ADAMTSL1: variants seen among roughly 807,000 people sequenced by gnomAD.
The protein encoded by ADAMTSL1 is ADAMTS like 1, also known as ADAMTS-like protein 1.
In ADAMTSL1, 126 loss-of-function variants were observed where a neutral mutation model predicts 201.8. The observed-to-expected ratio is 0.62, with a 90% confidence interval of 0.54 to 0.72. The LOEUF (loss-of-function observed/expected upper bound fraction) is 0.72, where lower values mean the gene tolerates loss of function less well. ADAMTSL1 is among the 30% of genes least tolerant of loss of function. The probability of loss-of-function intolerance (pLI) is 0.00; values close to 1 mark genes in which losing one functional copy is unlikely to be tolerated. For missense variants in ADAMTSL1, 2,679 were observed against 2,277.8 expected (o/e 1.18, Z -3.59); for synonymous variants, 1,121 against 903.4 (o/e 1.24, Z -4.32).
chr9:18,558,225 G>T (rs1244690854), intron 3 of ADAMTSL1, among the ~76,000 whole-genome samples: 2 of 152,032 alleles, frequency 1.3e-5, no homozygotes, highest in Admixed American at 1.3e-4. Context: ...TGTTCTCATT[G>T]TTCAACTCCA....
chr9:18,795,922 G>C (rs190539099), intron 20 of ADAMTSL1, among the ~76,000 whole-genome samples: 18 of 152,324 alleles, frequency 1.2e-4, no homozygotes, highest in Non-Finnish European at 2.1e-4. Flanking sequence ...CCTGTTGCAA[G>C]AAAGACTACG....
chr9:18,511,514 C>G (rs1453871258), intron 2 of ADAMTSL1, among the ~76,000 whole-genome samples: 2 of 151,840 alleles, frequency 1.3e-5, no homozygotes, highest in African/African-American at 4.8e-5. Context: ...ACAAGAGGTG[C>G]CTAAAACAAG....
intron 4 of ADAMTSL1, among the ~76,000 whole-genome samples, chr9:18,615,340 A>C (rs1399150729): frequency 1.3e-5 from 2 of 152,190 alleles, no homozygotes; most frequent in Non-Finnish European, 2.9e-5. Context: ...GTAGGAGGTG[A>C]CCGCAGGTGT....
intron 2 of ADAMTSL1, among the ~76,000 whole-genome samples, chr9:18,526,871 C>CTTGTTCTAA (rs1819097875): frequency 6.6e-6 from 1 of 152,150 alleles, no homozygotes; most frequent in Non-Finnish European, 1.5e-5. Context: ...TCTATGGTCG[C>CTTGTTCTAA]TCTAAGATCC....
chr9:18,605,432 A>G (rs1824949139), intron 4 of ADAMTSL1, among the ~76,000 whole-genome samples: 1 of 152,246 alleles, frequency 6.6e-6, no homozygotes. Flanking sequence ...TTGCAAAAGA[A>G]GTTATCACTG....
chr9:18,635,706 A>C (rs902059048), intron 5 of ADAMTSL1, among the ~76,000 whole-genome samples: 3 of 152,200 alleles, frequency 2.0e-5, no homozygotes, highest in Non-Finnish European at 4.4e-5. Flanking sequence ...AGTATATCAA[A>C]ATTCCTATTT....
At chr9:18,266,232 A>C (rs1259478137) in intron 2 of ADAMTSL1, among the ~76,000 whole-genome samples, 3 of 152,098 alleles carry the variant, frequency 2.0e-5, no homozygotes, top group African/African-American at 4.8e-5. Context: ...TTGCTGGTGT[A>C]ACTTTTTCAC....
rs1220499352 is a variant in ADAMTSL1, at chr9:18,102,366, C to T, written c.88-61496C>T. 3.9e-5 allele frequency among the ~76,000 whole-genome samples: 6 copies of T among 152,158 alleles called. No homozygotes were observed. The South Asian group carries it at 6.2e-4, about 16-fold the overall frequency. ...TTTATTTCTGAAAATATTATTTATC[C>T]AATGCCTGAGAAACAGACATGGTAT... On this transcript the variant is annotated intron_variant, in intron 1 of 29. Coordinates refer to the ADAMTSL1 transcript ENST00000680146.
intron 2 of ADAMTSL1, among the ~76,000 whole-genome samples, chr9:18,434,106 G>T (rs906233940): frequency 6.6e-5 from 10 of 152,202 alleles, no homozygotes; most frequent in African/African-American, 2.2e-4. Flanking sequence ...GCTTAGAAAA[G>T]AGCAATTATA....
chr9:18,056,993 A>C (rs2077852), intron 1 of ADAMTSL1, among the ~76,000 whole-genome samples: 97,647 of 152,050 alleles, frequency 0.64, 31,765 homozygotes, highest in African/African-American at 0.74. Flanking sequence ...ATGTTTGATT[A>C]TCCTTTTAAT....
At chr9:18,058,266 A>G (rs1822284452) in intron 1 of ADAMTSL1, among the ~76,000 whole-genome samples, 1 of 152,230 alleles carries the variant, frequency 6.6e-6, no homozygotes, top group South Asian at 2.1e-4. Context: ...AAATCTCCTC[A>G]TCCCTAGAGA....
intron 1 of ADAMTSL1, among the ~76,000 whole-genome samples, chr9:18,063,992 C>T (rs909266186): frequency 2.0e-5 from 3 of 152,120 alleles, no homozygotes; most frequent in East Asian, 1.9e-4. Context: ...CCCTTCTCTC[C>T]CCTCATTCAT....
At chr9:18,287,146 G>C (rs1049415923) in intron 2 of ADAMTSL1, among the ~76,000 whole-genome samples, 1 of 152,114 alleles carries the variant, frequency 6.6e-6, no homozygotes, top group Non-Finnish European at 1.5e-5. Flanking sequence ...ATATGGCCTT[G>C]TTACTGGATA....
intron 25 of ADAMTSL1, 21 bp from the exon 26 acceptor site, chr9:18,892,368 G>C (rs1829333650): frequency 6.2e-7 from 1 of 1,603,704 alleles, no homozygotes; most frequent in Non-Finnish European, 8.5e-7. Flanking sequence ...GGGCTCTCCT[G>C]ACACTTCTTC....
chr9:18,257,855 A>T (rs924266079), intron 2 of ADAMTSL1, among the ~76,000 whole-genome samples: 2 of 152,232 alleles, frequency 1.3e-5, no homozygotes, highest in Non-Finnish European at 2.9e-5. Context: ...CAAATATGCT[A>T]GGTAAAATAA....
chr9:18,433,440 G>A (rs1046239548), intron 2 of ADAMTSL1, among the ~76,000 whole-genome samples: 1 of 152,000 alleles, frequency 6.6e-6, no homozygotes, highest in Non-Finnish European at 1.5e-5. Flanking sequence ...ATGTCTTAGG[G>A]TCTTCAATGG....
chr9:18,454,875 C>A (rs981557305), intron 2 of ADAMTSL1, among the ~76,000 whole-genome samples: 2 of 152,236 alleles, frequency 1.3e-5, no homozygotes, highest in East Asian at 3.9e-4. Flanking sequence ...TTCAAAGGTA[C>A]AAGTGAGTTT....
In ADAMTSL1 at chr9:17,938,512, C is replaced by G. The variant is rs576446733; in HGVS notation, c.87+31590C>G. ...CTTAACTCGTTCTTCTTCATTGTGT[C>G]AGGTTTGACTGAAGCCAGTATTCCC... On this transcript the variant is annotated intron_variant, in intron 1 of 29. Coordinates refer to the ADAMTSL1 transcript ENST00000680146. Among the ~76,000 whole-genome samples, 7 of 152,222 alleles carry G rather than the reference C, an allele frequency of 4.6e-5. No individual in the cohort carries two copies. In the South Asian group the frequency reaches 1.5e-3, roughly 32 times the overall value.
At chr9:18,725,629 A>G (rs1817841206) in intron 15 of ADAMTSL1, among the ~76,000 whole-genome samples, 1 of 152,154 alleles carries the variant, frequency 6.6e-6, no homozygotes, top group Non-Finnish European at 1.5e-5. Context: ...TCTGTGTTAT[A>G]ATTATACAAG....
Sources: gnomAD v4.1 joint callset for allele counts (sites outside exome capture counted in the v4.1 genomes callset) on GRCh38, gnomAD v4.1.1 for gene constraint, MANE v1.5 for transcripts, NCBI Gene and HGNC (gene_info 2026-07-23, HGNC 2026-07-21) for gene names.